Variants in LIMK1 observed in about 807,000 individuals in gnomAD.
The protein encoded by LIMK1 is LIM motif-containing protein kinase.
A neutral mutation model predicts 77.6 loss-of-function variants in LIMK1; 21 were observed. The observed-to-expected ratio is 0.27, with a 90% CI of 0.19 to 0.39. The LOEUF (loss-of-function observed/expected upper bound fraction) is 0.39, where lower values mean the gene tolerates loss of function less well. LIMK1 is among the 10% of genes least tolerant of loss of function. The probability of loss-of-function intolerance (pLI) is 1.00; values close to 1 mark genes in which losing one functional copy is unlikely to be tolerated. For synonymous variants in LIMK1, 358 were observed against 370.0 expected, an observed-to-expected ratio of 0.97 and a Z score of 0.37; for missense variants, 696 against 901.6, an observed-to-expected ratio of 0.77 and a Z score of 2.92.
rs577788019 is a variant in LIMK1 at position 74,093,375 on chromosome 7, C to T, written c.153-3247C>T. ...TGGTGTAAGGCCTGGGGCTGGAAGCCGACCCACCTAGGTCCAGGCTCTGGG... is the reference window on the plus strand; with the variant it reads ...TGGTGTAAGGCCTGGGGCTGGAAGCTGACCCACCTAGGTCCAGGCTCTGGG... On this transcript the variant is annotated intron_variant, in intron 2 of 15. Coordinates refer to ENST00000336180, the MANE Select transcript of LIMK1 (RefSeq NM_002314.4). The T allele has an allele frequency of 6.0e-5, 90 of 1,506,166 alleles. No individual in the cohort carries two copies. The South Asian group carries it at 9.9e-4, about 17-fold the overall frequency. 93.3% of individuals were successfully genotyped at this position (1,506,166 alleles called of 1,614,324 possible).
At position 74,121,425 on chromosome 7, in the gene LIMK1, T is replaced by TGAG; in HGVS notation, c.*126_*127insGGA. On this transcript the variant is annotated 3_prime_UTR_variant, in exon 16 of 16. Transcript: ENST00000336180. ...CAGGCTTCTCCTCAGAGCCAGGCCC[T>TGAG]GACTTGCCTTCTCCCACCCCGTGGA... 9.7e-7 allele frequency: 1 copy of TGAG among 1,034,502 alleles called. No individual in the cohort carries two copies. Among genetic ancestry groups the TGAG allele is most frequent in the Non-Finnish European group, 1.4e-6 (1 of 735,170 alleles). 64.1% of individuals were successfully genotyped at this position (1,034,502 alleles called of 1,614,324 possible).
At position 74,089,979 on chromosome 7, in the gene LIMK1, C is replaced by G. The variant is rs535465878; in HGVS notation, c.152+4135C>G. ...CGTGTTACAGGATGGGTGTACCTGG[C>G]TTTGGAGTGGCCTGTCCCAAATCAC... On this transcript the variant is annotated intron_variant, in intron 2 of 15. Coordinates refer to ENST00000336180, the MANE Select transcript of LIMK1 (RefSeq NM_002314.4). Among the ~76,000 whole-genome samples the G allele has an allele frequency of 4.6e-4, 70 of 152,204 alleles. No homozygotes were observed. In the Middle Eastern group the frequency reaches 0.041, roughly 89 times the overall value.
At chr7:74,093,408 T>C in intron 2 of LIMK1, 1 of 1,311,982 alleles carries the variant, frequency 7.6e-7, no homozygotes, top group South Asian at 1.3e-5. Context: ...GGGGCAGAAC[T>C]GAAACTCCTT....
intron 12 of LIMK1, among the ~76,000 whole-genome samples, chr7:74,113,346 T>C (rs178406): frequency 0.96 from 146,774 of 152,148 alleles, 70,807 homozygotes; most frequent in African/African-American, 0.99. Flanking sequence ...CAAAACAAGG[T>C]CAGGCACTGT....
rs1799790302 is a variant in LIMK1 at position 74,115,602 on chromosome 7, C to A, written c.1411-200C>A. ...GGGAGGGAGGAAGCCACACTGCTAT[C>A]TTCAGGTGCTTCCCGCAGCTCCATT... On this transcript the variant is annotated intron_variant, in intron 12 of 15. Transcript: ENST00000336180. 25 of 571,114 alleles carry A rather than the reference C, an allele frequency of 4.4e-5. No individual in the cohort carries two copies. In the South Asian group the frequency reaches 5.3e-4, roughly 12 times the overall value. 35.4% of individuals were successfully genotyped at this position (571,114 alleles called of 1,614,324 possible).
chr7:74,111,350 A>G (rs1218848576), intron 10 of LIMK1: 1 of 382,294 alleles, frequency 2.6e-6, no homozygotes. Flanking sequence ...AGACACAAGA[A>G]TCACTTGAGC....
chr7:74,089,016 GGTGA>G (rs1335822097), intron 2 of LIMK1, among the ~76,000 whole-genome samples: 2 of 152,062 alleles, frequency 1.3e-5, no homozygotes, highest in Non-Finnish European at 2.9e-5. Context: ...GACAGTTTTT[GGTGA>G]GTATTTGTCA....
At position 74,121,648 on chromosome 7, in the gene LIMK1, G is replaced by A. The variant is rs1019133931; in HGVS notation, c.*347G>A. On this transcript the variant is annotated 3_prime_UTR_variant, in exon 16 of 16. Coordinates refer to ENST00000336180, the MANE Select transcript of LIMK1 (RefSeq NM_002314.4). The stretch of plus-strand genomic sequence containing the variant: ...CAGCAACCCTGTTCACGCTCCACCT[G>A]TCTGGTCCATAGCTCCCTGGAGGCT... 4 of 261,774 alleles carry A rather than the reference G, an allele frequency of 1.5e-5. No homozygotes were observed. Among genetic ancestry groups the A allele is most frequent in the Non-Finnish European group, 1.4e-5 (2 of 138,326 alleles). The allele number at this position is 261,774 out of a possible 1,614,324, so 16.2% of individuals were successfully genotyped here.
chr7:74,112,516 C>T (rs910049875), intron 12 of LIMK1, among the ~76,000 whole-genome samples: 1 of 151,834 alleles, frequency 6.6e-6, no homozygotes, highest in Non-Finnish European at 1.5e-5. Flanking sequence ...GTCAGGAGAT[C>T]GAGACCGTCC....
intron 5 of LIMK1, among the ~76,000 whole-genome samples, chr7:74,101,007 G>A (rs563957024): frequency 2.0e-5 from 3 of 151,854 alleles, no homozygotes; most frequent in Non-Finnish European, 4.4e-5. Flanking sequence ...AAAGTGCTGC[G>A]ATTACAGGCA....
intron 13 of LIMK1, among the ~76,000 whole-genome samples, chr7:74,117,918 G>C (rs1454821976): frequency 6.6e-6 from 1 of 151,898 alleles, no homozygotes; most frequent in Admixed American, 6.6e-5. Context: ...GACCAGCCTG[G>C]CCAACATGGT....
At chr7:74,091,989 A>G (rs1263917603) in intron 2 of LIMK1, among the ~76,000 whole-genome samples, 1 of 117,650 alleles carries the variant, frequency 8.5e-6, no homozygotes, top group Non-Finnish European at 1.7e-5. Context: ...TTTTTGAGAC[A>G]GAGTCTCGCT....
In LIMK1 at chr7:74,108,915, T is replaced by A; in HGVS notation, c.1163T>A (p.Met388Lys). Residue 388 changes from methionine (M) to lysine (K), a missense_variant, in exon 10 of 16, where the codon ATG (methionine) becomes AAG (lysine). By Grantham distance (95) the Met-to-Lys change is moderately conservative (BLOSUM62 -1). This residue lies in a region of LIMK1 where 438 missense variants were observed against 602.3 expected (regional missense o/e 0.73). Transcript: ENST00000336180. ...QRTFLKEVKV[M>K]RCLEHPNVLK... ...TTTGTGCCCCGCCAGGTGAAGGTCA[T>A]GCGATGCCTGGAACACCCCAACGTG... 1 of 1,613,726 alleles carries A rather than the reference T, an allele frequency of 6.2e-7. No homozygotes were observed. Among genetic ancestry groups the A allele is most frequent in the Non-Finnish European group, 8.5e-7 (1 of 1,179,814 alleles).
At chr7:74,111,061 C>A (rs1436081491) in intron 10 of LIMK1, 1 of 153,342 alleles carries the variant, frequency 6.5e-6, no homozygotes, top group African/African-American at 2.4e-5. Context: ...CATGGTGAAA[C>A]CCTGTCTCTA....
Position 74,100,809 on chromosome 7 carries a change from C to T in LIMK1, c.608+1571C>T, listed in dbSNP as rs1226175082. 6.0e-5 allele frequency among the ~76,000 whole-genome samples: 9 copies of T among 150,984 alleles called. No homozygotes were observed. In the East Asian group the frequency reaches 1.6e-3, roughly 26 times the overall value. ...GGAGTGCAGTGGTGTGGTCTCGGCT[C>T]ACTGCAAGCCCCGCCTCCTGGGTTC... On this transcript the variant is annotated intron_variant, in intron 5 of 15. Coordinates refer to ENST00000336180, the MANE Select transcript of LIMK1 (RefSeq NM_002314.4).
chr7:74,107,787 C>A, intron 8 of LIMK1, 84 bp from the exon 9 acceptor site: 1 of 1,012,236 alleles, frequency 9.9e-7, no homozygotes, highest in Non-Finnish European at 1.5e-6. Flanking sequence ...ATCTCCCTGG[C>A]AGTCCTGGGG....
rs2115607184 is a variant in LIMK1 at position 74,085,733 on chromosome 7, C to T, written c.56-15C>T. 1.3e-6 allele frequency: 2 copies of T among 1,550,018 alleles called. No homozygotes were observed. The highest frequency in any genetic ancestry group is 2.0e-5 in the Admixed American group (1 of 51,174). On this transcript the variant is annotated splice_polypyrimidine_tract_variant and intron_variant, in intron 1 of 15. Transcript: ENST00000336180. ...CTTCCTGAGAATGCTTCCCAACTCC[C>T]TTCCCACCCTGCAGGAAGCGAGTTG...
At position 74,097,142 on chromosome 7, in the gene LIMK1, C is replaced by T. The variant is rs141521880; in HGVS notation, c.354C>T (p.Ile118=). 1.7e-5 allele frequency: 28 copies of T among 1,613,286 alleles called. No individual in the cohort carries two copies. Among genetic ancestry groups the T allele is most frequent in the Admixed American group, 1.5e-4 (9 of 59,958 alleles). ...TCTGCCTCACGTGTGGGACCTTTATCGGTGACGGGGACACCTACACGCTGG... is the reference window on the plus strand; with the variant it reads ...TCTGCCTCACGTGTGGGACCTTTATTGGTGACGGGGACACCTACACGCTGG... The part of the protein sequence containing the change: ...CFICLTCGTF[I]GDGDTYTLVE... Residue 118 remains isoleucine (I), a synonymous_variant, in exon 4 of 16, where the codon ATC becomes ATT. Transcript: ENST00000336180.
At chr7:74,108,853 G>A in intron 9 of LIMK1, 52 bp from the exon 10 acceptor site, 2 of 1,591,318 alleles carry the variant, frequency 1.3e-6, no homozygotes, top group Non-Finnish European at 1.7e-6. Flanking sequence ...GCAGACCCAA[G>A]CACAGCTGGG....
Sources: gnomAD v4.1 joint callset for allele counts (sites outside exome capture counted in the v4.1 genomes callset) on GRCh38, gnomAD v4.1.1 for gene constraint, gnomAD v4.1.1 regional missense constraint, MANE v1.5 for transcripts, NCBI Gene and HGNC (gene_info 2026-07-23, HGNC 2026-07-21) for gene names.